SLC1A1: variants seen among roughly 807,000 people sequenced by gnomAD.
SLC1A1 encodes excitatory amino acid transporter 3.
In SLC1A1, 43 loss-of-function variants were observed where a neutral mutation model predicts 53.3. That is an observed-to-expected ratio of 0.81 (90% confidence interval 0.63 to 1.04). The LOEUF (loss-of-function observed/expected upper bound fraction) is 1.04. Among genes scored for constraint, SLC1A1 ranks in the 50% least tolerant of loss-of-function variants. The pLI is 0.00. For synonymous variants in SLC1A1, 307 were observed against 243.2 expected (o/e 1.26, Z -2.44); for missense variants, 748 against 664.9 (o/e 1.12, Z -1.37).
At chr9:4,495,237 T>A (rs1170886850) in intron 1 of SLC1A1, among the ~76,000 whole-genome samples, 1 of 152,200 alleles carries the variant, frequency 6.6e-6, no homozygotes, top group Non-Finnish European at 1.5e-5. Context: ...GCCCCTCACC[T>A]GCATAGAACC....
chr9:4,506,241 G>A (rs979682497), intron 1 of SLC1A1, among the ~76,000 whole-genome samples: 1 of 152,240 alleles, frequency 6.6e-6, no homozygotes, highest in African/African-American at 2.4e-5. Flanking sequence ...ACAGGCATGA[G>A]CCATCATGCC....
At chr9:4,563,003 G>T (rs1819113926) in intron 3 of SLC1A1, among the ~76,000 whole-genome samples, 1 of 151,138 alleles carries the variant, frequency 6.6e-6, no homozygotes. Context: ...AGCATTGGGA[G>T]ATATACCTAA....
At chr9:4,522,259 G>A (rs1327854320) in intron 1 of SLC1A1, among the ~76,000 whole-genome samples, 1 of 151,868 alleles carries the variant, frequency 6.6e-6, no homozygotes, top group Non-Finnish European at 1.5e-5. Context: ...CACTGAGTTA[G>A]CCAGGATGGT....
At position 4,490,562 on chromosome 9, in the gene SLC1A1, G is replaced by A; in HGVS notation, c.-118G>A. The A allele has an allele frequency of 1.3e-6, 1 of 745,052 alleles. No individual in the cohort carries two copies. The highest frequency in any genetic ancestry group is 1.7e-5 in the South Asian group (1 of 59,514). The allele number at this position is 745,052 out of a possible 1,614,324, so 46.2% of individuals were successfully genotyped here. On this transcript the variant is annotated 5_prime_UTR_variant, in exon 1 of 12. Transcript: ENST00000262352. ...GTGACGGCGGCGACTGCAGCGGCCG[G>A]CTCTCACCTCTCCCCTGTGCACCCG...
chr9:4,570,610 A>T (rs1819941819), intron 6 of SLC1A1, among the ~76,000 whole-genome samples: 2 of 152,118 alleles, frequency 1.3e-5, no homozygotes, highest in African/African-American at 4.8e-5. Flanking sequence ...ACATCAGGTG[A>T]TCCACCTGCC....
intron 8 of SLC1A1, 57 bp from the exon 9 acceptor site, chr9:4,575,944 T>G: frequency 6.3e-7 from 1 of 1,592,212 alleles, no homozygotes; most frequent in Admixed American, 1.7e-5. Context: ...ATAAAAGGAT[T>G]AAGTGTGGGG....
At chr9:4,541,182 C>G (rs936645932) in intron 1 of SLC1A1, among the ~76,000 whole-genome samples, 27 of 152,192 alleles carry the variant, frequency 1.8e-4, no homozygotes, top group African/African-American at 5.5e-4. Flanking sequence ...AATTGTTGAT[C>G]TTGTCAACCT....
intron 1 of SLC1A1, among the ~76,000 whole-genome samples, chr9:4,510,687 A>C (rs1319777350): frequency 1.3e-5 from 2 of 152,230 alleles, no homozygotes; most frequent in Non-Finnish European, 2.9e-5. Context: ...TTCCACACCC[A>C]GCAGGAGAGA....
rs1817777830 is a variant in SLC1A1 at position 4,549,793 on chromosome 9, G to T, written c.232+5086G>T. On this transcript the variant is annotated intron_variant, in intron 2 of 11. Coordinates refer to ENST00000262352, the MANE Select transcript of SLC1A1 (RefSeq NM_004170.6). The surrounding 1 kb of genome is among the most constrained non-coding windows in gnomAD (Gnocchi z 4.1). ...CCATAGACTCCATACCATAGTACCT[G>T]CTGGGTTATTGCAACCACCCTGCTT... Among the ~76,000 whole-genome samples, 1 of 152,132 alleles carries T rather than the reference G, an allele frequency of 6.6e-6. No homozygotes were observed. Among genetic ancestry groups the T allele is most frequent in the South Asian group, 2.1e-4 (1 of 4,830 alleles).
intron 1 of SLC1A1, among the ~76,000 whole-genome samples, chr9:4,539,964 G>C (rs1233390639): frequency 6.6e-6 from 1 of 152,200 alleles, no homozygotes; most frequent in Non-Finnish European, 1.5e-5. Context: ...TCCCCAGCAA[G>C]GGCCTCACTC....
chr9:4,526,027 A>C (rs994327238), intron 1 of SLC1A1, among the ~76,000 whole-genome samples: 3 of 152,122 alleles, frequency 2.0e-5, no homozygotes, highest in African/African-American at 7.2e-5. Flanking sequence ...AAACAAAGCT[A>C]TAATTCCAGC....
intron 2 of SLC1A1, among the ~76,000 whole-genome samples, chr9:4,547,399 C>A (rs928867002): frequency 1.3e-5 from 2 of 152,182 alleles, no homozygotes; most frequent in African/African-American, 4.8e-5. Flanking sequence ...AAAACCACCA[C>A]CCCATCTTTT....
intron 1 of SLC1A1, among the ~76,000 whole-genome samples, chr9:4,497,573 G>T (rs1820477264): frequency 6.6e-6 from 1 of 152,136 alleles, no homozygotes; most frequent in African/African-American, 2.4e-5. Context: ...TGAGCCTAAA[G>T]CTTAAATCAA....
chr9:4,527,533 CTG>C (rs1209730852), intron 1 of SLC1A1, among the ~76,000 whole-genome samples: 4 of 152,124 alleles, frequency 2.6e-5, no homozygotes, highest in African/African-American at 9.7e-5. Flanking sequence ...ATACACTAGA[CTG>C]TTATGGTATA....
In SLC1A1 at chr9:4,586,206, C is replaced by T. The variant is rs997393800; in HGVS notation, c.*648C>T. 2 of 150,284 alleles carry T rather than the reference C, an allele frequency of 1.3e-5. No homozygotes were observed. The allele number at this position is 150,284 out of a possible 1,614,324, so 9.3% of individuals were successfully genotyped here. ...TGGTAACTGTTAACCCAGTGTTCAGCATAGAGCTATATATATATATATATG... is the reference window on the plus strand; with the variant it reads ...TGGTAACTGTTAACCCAGTGTTCAGTATAGAGCTATATATATATATATATG... On this transcript the variant is annotated 3_prime_UTR_variant, in exon 12 of 12. Transcript: ENST00000262352.
chr9:4,544,235 G>A (rs1817263526), intron 1 of SLC1A1, among the ~76,000 whole-genome samples: 1 of 152,078 alleles, frequency 6.6e-6, no homozygotes, highest in African/African-American at 2.4e-5. Context: ...GTGTGTGAAT[G>A]CAAAAGAGTT....
chr9:4,527,782 C>A (rs1426092266), intron 1 of SLC1A1, among the ~76,000 whole-genome samples: 1 of 152,026 alleles, frequency 6.6e-6, no homozygotes, highest in Non-Finnish European at 1.5e-5. Flanking sequence ...CTATGGGGCT[C>A]ACTTCACTGA....
rs2129903089 is a variant in SLC1A1 at position 4,585,696 on chromosome 9, A to G, written c.*138A>G. 8.8e-7 allele frequency: 1 copy of G among 1,130,558 alleles called. No homozygotes were observed. Among genetic ancestry groups the G allele is most frequent in the Non-Finnish European group, 1.3e-6 (1 of 775,266 alleles). 70.0% of individuals were successfully genotyped at this position (1,130,558 alleles called of 1,614,324 possible). A position where few individuals can be genotyped will look rare whatever the true frequency, so the allele number is the denominator to read the frequency against. On this transcript the variant is annotated 3_prime_UTR_variant, in exon 12 of 12. Coordinates refer to ENST00000262352, the MANE Select transcript of SLC1A1 (RefSeq NM_004170.6). Reference sequence around the variant, plus strand: ...TATACAGACCTCCAGATTATTTTCTATATTTGGATTCACAGCCTTTGCGCT... The same window carrying G: ...TATACAGACCTCCAGATTATTTTCTGTATTTGGATTCACAGCCTTTGCGCT...
chr9:4,518,234 CAAAAAAAAAAAAAAAAAAA>C (rs34559140), intron 1 of SLC1A1, among the ~76,000 whole-genome samples: 1 of 60,432 alleles, frequency 1.7e-5, no homozygotes, highest in East Asian at 6.0e-4. Context: ...TATTCCACCT[CAAAAAAAAAAAAAAAAAAA>C]AAAAAAGAAT....
Sources: gnomAD v4.1 joint callset for allele counts (sites outside exome capture counted in the v4.1 genomes callset) on GRCh38, gnomAD v4.1.1 for gene constraint, Gnocchi (gnomAD v3.1) non-coding constraint, MANE v1.5 for transcripts, NCBI Gene and HGNC (gene_info 2026-07-23, HGNC 2026-07-21) for gene names.